Variants in CERS6 observed in about 807,000 individuals in gnomAD.
CERS6 encodes LAG1 homolog, ceramide synthase 6.
In CERS6, 26 loss-of-function variants were observed where a neutral mutation model predicts 56.8. That is an observed-to-expected ratio of 0.46 (90% CI 0.34 to 0.63). CERS6 has a LOEUF of 0.63. Among genes scored for constraint, CERS6 ranks in the 30% least tolerant of loss-of-function variants. CERS6 has a pLI of 0.01. For missense variants in CERS6, 415 were observed against 467.5 expected, an observed-to-expected ratio of 0.89 and a Z score of 1.04; for synonymous variants, 164 against 173.3, an observed-to-expected ratio of 0.95 and a Z score of 0.42.
chr2:168,636,000 T>C (rs1684852525), intron 4 of CERS6, among the ~76,000 whole-genome samples: 1 of 152,250 alleles, frequency 6.6e-6, no homozygotes, highest in South Asian at 2.1e-4. Flanking sequence ...CATTAGAATA[T>C]GAGTCCATTT....
Position 168,456,346 on chromosome 2 carries a change from C to T in CERS6, c.-103C>T, listed in dbSNP as rs1466646810. ...CGGCGGGCGGGAGCAGCGGCGGCGG[C>T]GGCACAGGCTCGGGGCCAGCCGGGC... On this transcript the variant is annotated 5_prime_UTR_variant, in exon 1 of 10. Coordinates refer to ENST00000305747, the MANE Select transcript of CERS6 (RefSeq NM_203463.3). The surrounding 1 kb of genome is among the most constrained non-coding windows in gnomAD (Gnocchi z 4.1). 5.2e-6 allele frequency: 4 copies of T among 765,648 alleles called. No homozygotes were observed. The highest frequency in any genetic ancestry group is 7.0e-6 in the Non-Finnish European group (4 of 575,298). The allele number at this position is 765,648 out of a possible 1,614,324, so 47.4% of individuals were successfully genotyped here. A position where few individuals can be genotyped will look rare whatever the true frequency, so the allele number is the denominator to read the frequency against.
intron 1 of CERS6, among the ~76,000 whole-genome samples, chr2:168,524,222 A>G (rs1474165707): frequency 6.6e-6 from 1 of 152,236 alleles, no homozygotes; most frequent in Non-Finnish European, 1.5e-5. Flanking sequence ...TCTTAGTGTG[A>G]TGTGATAATA....
chr2:168,663,083 A>G (rs1685673174), intron 4 of CERS6, among the ~76,000 whole-genome samples: 1 of 152,150 alleles, frequency 6.6e-6, no homozygotes, highest in Non-Finnish European at 1.5e-5. Context: ...TAGGAGGTTT[A>G]TGTTGTTTTG....
At chr2:168,718,409 C>T (rs1364568682) in intron 8 of CERS6, among the ~76,000 whole-genome samples, 2 of 152,222 alleles carry the variant, frequency 1.3e-5, no homozygotes, top group Admixed American at 6.5e-5. Flanking sequence ...AATGCACATT[C>T]TTGGCCCCAC....
intron 1 of CERS6, among the ~76,000 whole-genome samples, chr2:168,523,200 T>G (rs1179126597): frequency 6.6e-6 from 1 of 152,176 alleles, no homozygotes; most frequent in East Asian, 1.9e-4. Flanking sequence ...TCCTTAAGCT[T>G]GTCACCTCTT....
At chr2:168,589,127 T>C (rs13428127) in intron 3 of CERS6, among the ~76,000 whole-genome samples, 20,122 of 152,184 alleles carry the variant, frequency 0.13, 2,539 homozygotes, top group African/African-American at 0.33. Flanking sequence ...ACCATATTTT[T>C]CATAGAAGCT....
At chr2:168,495,052 T>G (rs921332984) in intron 1 of CERS6, among the ~76,000 whole-genome samples, 8 of 152,192 alleles carry the variant, frequency 5.3e-5, no homozygotes, top group Non-Finnish European at 1.0e-4. Flanking sequence ...CAGGGTAGAA[T>G]ATTGCAGTCC....
intron 4 of CERS6, among the ~76,000 whole-genome samples, chr2:168,665,937 T>A (rs534577395): frequency 5.9e-4 from 85 of 144,976 alleles, no homozygotes; most frequent in Admixed American, 1.9e-3. Context: ...AGAATTTTTT[T>A]AAAAAATTAG....
intron 3 of CERS6, among the ~76,000 whole-genome samples, chr2:168,567,158 T>A (rs965379927): frequency 6.6e-6 from 1 of 152,194 alleles, no homozygotes; most frequent in African/African-American, 2.4e-5. Flanking sequence ...GTTTCTGTTG[T>A]GGTGATAGTT....
intron 4 of CERS6, among the ~76,000 whole-genome samples, chr2:168,686,079 G>A (rs182825294): frequency 4.1e-5 from 6 of 145,148 alleles, no homozygotes; most frequent in African/African-American, 1.5e-4. Context: ...ACAAAATACC[G>A]CATACTAGAT....
At chr2:168,720,370 A>G (rs557532269) in intron 8 of CERS6, among the ~76,000 whole-genome samples, 1 of 152,354 alleles carries the variant, frequency 6.6e-6, no homozygotes, top group South Asian at 2.1e-4. Flanking sequence ...CTACATTTCA[A>G]GTGCTCAGTA....
chr2:168,638,299 A>G (rs1291628279), intron 4 of CERS6, among the ~76,000 whole-genome samples: 1 of 152,082 alleles, frequency 6.6e-6, no homozygotes, highest in Non-Finnish European at 1.5e-5. Context: ...CTATGTTATG[A>G]ATTTATTTTC....
chr2:168,494,353 A>G (rs796410308), intron 1 of CERS6, among the ~76,000 whole-genome samples: 17 of 152,218 alleles, frequency 1.1e-4, no homozygotes, highest in African/African-American at 4.1e-4. Flanking sequence ...TTCCGTGTTT[A>G]TTAGCTCTTC....
chr2:168,727,976 A>G (rs1683398814), intron 8 of CERS6, among the ~76,000 whole-genome samples: 2 of 152,220 alleles, frequency 1.3e-5, no homozygotes, highest in African/African-American at 4.8e-5. Flanking sequence ...GTGTGTTGAG[A>G]TGTCTCTTTC....
intron 3 of CERS6, among the ~76,000 whole-genome samples, chr2:168,630,017 C>T (rs576110805): frequency 2.7e-4 from 41 of 151,996 alleles, no homozygotes; most frequent in Admixed American, 2.0e-3. Flanking sequence ...GGGATTTCAC[C>T]GTGTTAACCA....
At chr2:168,719,883 A>G (rs894347402) in intron 8 of CERS6, among the ~76,000 whole-genome samples, 5 of 152,148 alleles carry the variant, frequency 3.3e-5, no homozygotes, top group Non-Finnish European at 7.3e-5. Context: ...TTTTTTTAAA[A>G]GATGAAAGGT....
At chr2:168,717,757 C>A (rs1426889151) in intron 7 of CERS6, 115 bp from the exon 8 acceptor site, 2 of 640,390 alleles carry the variant, frequency 3.1e-6, no homozygotes, top group African/African-American at 1.9e-5. Flanking sequence ...CATAAAAATG[C>A]AGGCAATTTT....
chr2:168,674,547 A>G (rs10185062), intron 4 of CERS6, among the ~76,000 whole-genome samples: 9,574 of 152,250 alleles, frequency 0.063, 385 homozygotes, highest in African/African-American at 0.12. Flanking sequence ...TCTGAATATT[A>G]TTTATTTGGC....
chr2:168,578,847 G>A (rs1683340587), intron 3 of CERS6, among the ~76,000 whole-genome samples: 1 of 151,986 alleles, frequency 6.6e-6, no homozygotes, highest in African/African-American at 2.4e-5. Flanking sequence ...GTAATCCTCG[G>A]CCTCTGATAA....
Sources: gnomAD v4.1 joint callset for allele counts (sites outside exome capture counted in the v4.1 genomes callset) on GRCh38, gnomAD v4.1.1 for gene constraint, Gnocchi (gnomAD v3.1) non-coding constraint, MANE v1.5 for transcripts, NCBI Gene and HGNC (gene_info 2026-07-23, HGNC 2026-07-21) for gene names.